ZKSCAN1: variants seen among roughly 807,000 people sequenced by gnomAD.
The protein encoded by ZKSCAN1 is zinc finger protein with KRAB and SCAN domains 1.
In ZKSCAN1, 14 loss-of-function variants were observed where a neutral mutation model predicts 51.6. The ratio of observed to expected loss-of-function variants is 0.27; its 90% confidence interval spans 0.18 to 0.42. ZKSCAN1 has a LOEUF of 0.42. Among genes scored for constraint, ZKSCAN1 ranks in the 10% least tolerant of loss-of-function variants. The pLI, the probability that ZKSCAN1 is intolerant of heterozygous loss-of-function variation, is 1.00. For missense variants in ZKSCAN1, 531 were observed against 710.0 expected (o/e 0.75, Z 2.86); for synonymous variants, 263 against 261.5 (o/e 1.01, Z -0.06).
At chr7:100,044,542 G>A (rs1407512259), downstream of ZKSCAN1, among the ~76,000 whole-genome samples, 6 of 151,884 alleles carry the variant, frequency 4.0e-5, no homozygotes, top group East Asian at 1.9e-4. Context: ...TTAGCCAGGC[G>A]TGGTGGCGGG....
chr7:100,028,888 G>A (rs1790967643), intron 3 of ZKSCAN1, among the ~76,000 whole-genome samples: 1 of 152,100 alleles, frequency 6.6e-6, no homozygotes, highest in South Asian at 2.1e-4. Context: ...GAGGTGGCCG[G>A]ACACAGTGGC....
At chr7:100,025,411 G>T (rs192296476) in intron 3 of ZKSCAN1, among the ~76,000 whole-genome samples, 5 of 151,734 alleles carry the variant, frequency 3.3e-5, no homozygotes, top group Non-Finnish European at 5.9e-5. Context: ...CTTTTGAGGG[G>T]AGTTGAGGAA....
chr7:100,020,285 A>G (rs1790540216), intron 1 of ZKSCAN1, among the ~76,000 whole-genome samples: 1 of 152,190 alleles, frequency 6.6e-6, no homozygotes, highest in Non-Finnish European at 1.5e-5. Context: ...AATACAAGGC[A>G]TATATAGGAA....
intron 1 of ZKSCAN1, among the ~76,000 whole-genome samples, chr7:100,022,850 G>T (rs12531809): frequency 0.32 from 48,247 of 151,984 alleles, 8,890 homozygotes; most frequent in Middle Eastern, 0.48. Context: ...GCTGGGCACT[G>T]TTAATGCTCC....
At chr7:100,044,674 C>CT, downstream of ZKSCAN1, 1 of 555,290 alleles carries the variant, frequency 1.8e-6, no homozygotes, top group Non-Finnish European at 2.2e-6. Flanking sequence ...GCGTGAGACT[C>CT]TATCTCAAAA....
rs577199858 is a variant in ZKSCAN1, at chr7:100,040,238, C to T, written c.*6041C>T. The T allele has an allele frequency of 3.7e-5, 36 of 985,202 alleles. No homozygotes were observed. Among genetic ancestry groups the T allele is most frequent in the Non-Finnish European group, 4.2e-5 (35 of 829,914 alleles). The allele number at this position is 985,202 out of a possible 1,614,324, so 61.0% of individuals were successfully genotyped here. A position where few individuals can be genotyped will look rare whatever the true frequency, so the allele number is the denominator to read the frequency against. On this transcript the variant is annotated 3_prime_UTR_variant, in exon 6 of 6. Transcript: ENST00000324306. ...CATGATGTGTGGTTCCATTTAATAG[C>T]GGACACCACCCCAATCTCATGTTTT...
At chr7:100,024,333 G>T in intron 3 of ZKSCAN1, 26 bp downstream of exon 3, 2 of 1,611,758 alleles carry the variant, frequency 1.2e-6, no homozygotes, top group East Asian at 2.2e-5. Flanking sequence ...TCATTTAGGG[G>T]AAGGGAAATG....
intron 1 of ZKSCAN1, chr7:100,016,804 T>C (rs1790385492): frequency 6.6e-6 from 1 of 152,198 alleles, no homozygotes; most frequent in African/African-American, 2.4e-5. Context: ...ACTTGTTGAA[T>C]TGAATTGTGG....
At position 100,023,755 on chromosome 7, in the gene ZKSCAN1, G is replaced by C; in HGVS notation, c.249G>C (p.Gln83His). The change falls in exon 2 of 6, where the codon CAG becomes CAC. Residue 83 changes from glutamine (Q) to histidine (H), a missense_variant. Physicochemically the swap from Gln to His is conservative, Grantham distance 24. This residue lies in a region of ZKSCAN1 where 403 missense variants were observed against 490.5 expected (regional missense o/e 0.82). Coordinates refer to ENST00000324306, the MANE Select transcript of ZKSCAN1 (RefSeq NM_003439.4). ...ALSRLKELCH[Q>H]WLRPEINTKE... ...GTCGGCTGAAGGAACTTTGTCATCAGTGGCTGCGGCCAGAAATAAACACCA... is the reference window on the plus strand; with the variant it reads ...GTCGGCTGAAGGAACTTTGTCATCACTGGCTGCGGCCAGAAATAAACACCA... The C allele has an allele frequency of 6.2e-7, 1 of 1,614,222 alleles. No homozygotes were observed. The highest frequency in any genetic ancestry group is 8.5e-7 in the Non-Finnish European group (1 of 1,180,046).
chr7:100,033,597 C>A lies in ZKSCAN1; in HGVS notation c.1092C>A (p.Phe364Leu), dbSNP rs775892538. Residue 364 changes from phenylalanine (F) to leucine (L), a missense_variant, in exon 6 of 6, where the codon TTC (phenylalanine) becomes TTA (leucine). Phe to Leu is a conservative substitution (Grantham distance 22). Around this residue, in one of 2 missense-constraint regions of ZKSCAN1, gnomAD observed 403 missense variants for 490.5 expected, o/e 0.82. Transcript: ENST00000324306. This position sits in a 1 kb window ranked among gnomAD's most constrained non-coding sequence, Gnocchi z 4.1. ...LGRSFSLSSNFTTPEEVPTGT... is the reference protein window; with the variant it reads ...LGRSFSLSSNLTTPEEVPTGT... ...GAAGCTTCAGTCTGAGCTCCAACTTCACCACCCCTGAAGAAGTTCCCACGG... is the reference window on the plus strand; with the variant it reads ...GAAGCTTCAGTCTGAGCTCCAACTTAACCACCCCTGAAGAAGTTCCCACGG... 1.9e-6 allele frequency: 3 copies of A among 1,614,092 alleles called. No homozygotes were observed. The highest frequency in any genetic ancestry group is 2.5e-6 in the Non-Finnish European group (3 of 1,180,050).
Position 100,040,617 on chromosome 7 carries a change from A to G in ZKSCAN1, c.*6420A>G. The G allele has an allele frequency of 1.0e-6, 1 of 985,466 alleles. No homozygotes were observed. The highest frequency in any genetic ancestry group is 1.2e-6 in the Non-Finnish European group (1 of 829,946). 61.0% of individuals were successfully genotyped at this position (985,466 alleles called of 1,614,324 possible). ...CAGTTGCCCTAAATCTCCATCATTA[A>G]GTCTTCCAGCAAGGTTAAGTGCAGT... is the stretch of plus-strand genomic sequence containing the variant. On this transcript the variant is annotated 3_prime_UTR_variant, in exon 6 of 6. Transcript: ENST00000324306.
chr7:100,021,522 C>T (rs768187758), intron 1 of ZKSCAN1, among the ~76,000 whole-genome samples: 5 of 152,264 alleles, frequency 3.3e-5, no homozygotes, highest in African/African-American at 7.2e-5. Flanking sequence ...CCATTTCATA[C>T]AGCTGTTCCT....
intron 1 of ZKSCAN1, among the ~76,000 whole-genome samples, chr7:100,018,212 A>G (rs916094939): frequency 2.6e-5 from 4 of 152,160 alleles, no homozygotes; most frequent in Admixed American, 1.3e-4. Context: ...AACAAATTTG[A>G]GTGCAACATT....
rs372912012 is a variant in ZKSCAN1, at chr7:100,041,624, T to A, written c.*7427T>A. The A allele has an allele frequency of 1.0e-6, 1 of 985,410 alleles. No homozygotes were observed. Among genetic ancestry groups the A allele is most frequent in the Non-Finnish European group, 1.2e-6 (1 of 829,914 alleles). The allele number at this position is 985,410 out of a possible 1,614,324, so 61.0% of individuals were successfully genotyped here. On this transcript the variant is annotated 3_prime_UTR_variant, in exon 6 of 6. Transcript: ENST00000324306. ...GGAAGGAAATTGTGGGGATTTGAAA[T>A]ATTCTCTTTATGTTGTTTCTCTTCT...
At chr7:100,043,410 C>T (rs1791647456), downstream of ZKSCAN1, among the ~76,000 whole-genome samples, 2 of 152,190 alleles carry the variant, frequency 1.3e-5, no homozygotes, top group South Asian at 2.1e-4. Flanking sequence ...AGACAAGTCT[C>T]GTTCTGTTGC....
Position 100,037,411 on chromosome 7 carries a change from T to G in ZKSCAN1, c.*3214T>G. On this transcript the variant is annotated 3_prime_UTR_variant, in exon 6 of 6. Transcript: ENST00000324306. ...TCGATCTATGAGACATCTTGATATG[T>G]AAAGCACTTAATATTAAAGGCATAA... 10 of 985,440 alleles carry G rather than the reference T, an allele frequency of 1.0e-5. No homozygotes were observed. The highest frequency in any genetic ancestry group is 1.2e-5 in the Non-Finnish European group (10 of 829,932). 61.0% of individuals were successfully genotyped at this position (985,440 alleles called of 1,614,324 possible). A position where few individuals can be genotyped will look rare whatever the true frequency, so the allele number is the denominator to read the frequency against.
At chr7:100,021,116 CTTTTTTTT>C (rs60632908) in intron 1 of ZKSCAN1, among the ~76,000 whole-genome samples, 8 of 85,322 alleles carry the variant, frequency 9.4e-5, no homozygotes, top group Admixed American at 3.4e-4. Context: ...TTTTTTTTTC[CTTTTTTTT>C]TTTTTTTTTT....
chr7:100,034,990 ACTGT>A lies in ZKSCAN1; in HGVS notation c.*796_*799del, dbSNP rs1265742541. 5.9e-5 allele frequency: 9 copies of A among 152,604 alleles called. No individual in the cohort carries two copies. The highest frequency in any genetic ancestry group is 7.2e-5 in the African/African-American group (3 of 41,426). 9.5% of individuals were successfully genotyped at this position (152,604 alleles called of 1,614,324 possible). A position where few individuals can be genotyped will look rare whatever the true frequency, so the allele number is the denominator to read the frequency against. On this transcript the variant is annotated 3_prime_UTR_variant, in exon 6 of 6. Coordinates refer to ENST00000324306, the MANE Select transcript of ZKSCAN1 (RefSeq NM_003439.4). Reference sequence around the variant, plus strand: ...TCCACAAGTTAGCACTTGATTGTATACTGTCTTTTAATCCTTCATTGTTTCATGT... The same window carrying A: ...TCCACAAGTTAGCACTTGATTGTATACTTTTAATCCTTCATTGTTTCATGT...
downstream of ZKSCAN1, among the ~76,000 whole-genome samples, chr7:100,041,936 G>A (rs1422006994): frequency 6.6e-6 from 1 of 152,124 alleles, no homozygotes; most frequent in Admixed American, 6.6e-5. Context: ...TGAAAAACTA[G>A]TTCAGGCCAT....
Sources: gnomAD v4.1 joint callset for allele counts (sites outside exome capture counted in the v4.1 genomes callset) on GRCh38, gnomAD v4.1.1 for gene constraint, gnomAD v4.1.1 regional missense constraint, Gnocchi (gnomAD v3.1) non-coding constraint, MANE v1.5 for transcripts, NCBI Gene and HGNC (gene_info 2026-07-23, HGNC 2026-07-21) for gene names.